The following PCDHGB6 variants were observed in gnomAD, a reference collection of about 807,000 sequenced individuals.
The protein encoded by PCDHGB6 is protocadherin gamma-B6.
PCDHGB6 carries 51 observed loss-of-function variants against 59.1 expected under a neutral mutation model. The ratio of observed to expected loss-of-function variants is 0.86; its 90% CI spans 0.69 to 1.09. The LOEUF (loss-of-function observed/expected upper bound fraction) is 1.09, where lower values mean the gene tolerates loss of function less well. Ranked by LOEUF, PCDHGB6 falls within the 50% of genes least tolerant of loss-of-function variation. PCDHGB6 has a pLI of 0.00. For missense variants in PCDHGB6, 1,148 were observed against 1,205.1 expected (o/e 0.95, Z 0.70); for synonymous variants, 466 against 495.1 (o/e 0.94, Z 0.78).
intron 1 of PCDHGB6, among the ~76,000 whole-genome samples, chr5:141,472,497 G>A (rs1196427013): frequency 1.3e-5 from 2 of 151,958 alleles, no homozygotes; most frequent in Non-Finnish European, 2.9e-5. Context: ...ACGAGATCGT[G>A]CCACTGCACT....
chr5:141,420,422 A>C, intron 1 of PCDHGB6: 1 of 1,196,438 alleles, frequency 8.4e-7, no homozygotes, highest in Non-Finnish European at 1.1e-6. Context: ...TATTAAAACA[A>C]AAGTTTAAAT....
chr5:141,418,875 A>G (rs2097697666), intron 1 of PCDHGB6: 1 of 1,613,926 alleles, frequency 6.2e-7, no homozygotes, highest in African/African-American at 1.3e-5. Flanking sequence ...GAAGTTGTAG[A>G]CGAAAACGAC....
At chr5:141,414,134 A>T in intron 1 of PCDHGB6, 1 of 1,595,028 alleles carries the variant, frequency 6.3e-7, no homozygotes, top group South Asian at 1.1e-5. Flanking sequence ...GGTTTCTATG[A>T]AATAGAAATA....
rs1348785166 is a variant in PCDHGB6, at chr5:141,431,381, C to T, written c.2418+20761C>T. On this transcript the variant is annotated intron_variant, in intron 1 of 3. Coordinates refer to ENST00000520790, the MANE Select transcript of PCDHGB6 (RefSeq NM_018926.3). The surrounding 1 kb of genome is among the most constrained non-coding windows in gnomAD (Gnocchi z 4.8). Reference sequence around the variant, plus strand: ...CCTGGACCGCGAAGAAAAGGCTGCTCACCACCTGGTCCTTACGGCCTCCGA... The same window carrying T: ...CCTGGACCGCGAAGAAAAGGCTGCTTACCACCTGGTCCTTACGGCCTCCGA... 1.2e-6 allele frequency: 2 copies of T among 1,613,940 alleles called. No homozygotes were observed. Among genetic ancestry groups the T allele is most frequent in the Non-Finnish European group, 1.7e-6 (2 of 1,180,042 alleles).
intron 3 of PCDHGB6, among the ~76,000 whole-genome samples, chr5:141,507,861 C>T (rs538942097): frequency 7.0e-4 from 106 of 152,306 alleles, no homozygotes; most frequent in African/African-American, 2.5e-3. Flanking sequence ...CTTTCACACC[C>T]GCTTCCTAGC....
At chr5:141,478,011 G>T (rs1216659966) in intron 1 of PCDHGB6, 1 of 1,614,088 alleles carries the variant, frequency 6.2e-7, no homozygotes, top group Non-Finnish European at 8.5e-7. Flanking sequence ...AGTACTGCCC[G>T]TCCAGTCCAA....
rs200576950 is a variant in PCDHGB6 at position 141,477,475 on chromosome 5, C to T, written c.2419-17332C>T. The T allele has an allele frequency of 1.2e-6, 2 of 1,614,124 alleles. No individual in the cohort carries two copies. Among genetic ancestry groups the T allele is most frequent in the African/African-American group, 2.7e-5 (2 of 75,010 alleles). ...TTCAAGTGTCCGACATCAATGACAACCCTCCACAATCTTCTCAATCTTCCT... is the reference window on the plus strand; with the variant it reads ...TTCAAGTGTCCGACATCAATGACAATCCTCCACAATCTTCTCAATCTTCCT... On this transcript the variant is annotated intron_variant, in intron 1 of 3. Transcript: ENST00000520790. The surrounding 1 kb of genome is among the most constrained non-coding windows in gnomAD (Gnocchi z 4.9).
rs141151122 is a variant in PCDHGB6, at chr5:141,491,445, C to T, written c.2419-3362C>T. ...GAGGGCAGTGCTGCAGGCGCCAGGA[C>T]TCACCCTCCCCGGACTTCTATAAGC... is the stretch of plus-strand genomic sequence containing the variant. On this transcript the variant is annotated intron_variant, in intron 1 of 3. Transcript: ENST00000520790. This position sits in a 1 kb window ranked among gnomAD's most constrained non-coding sequence, Gnocchi z 6.9. 1 of 1,614,112 alleles carries T rather than the reference C, an allele frequency of 6.2e-7. No individual in the cohort carries two copies. The highest frequency in any genetic ancestry group is 8.5e-7 in the Non-Finnish European group (1 of 1,180,032).
intron 3 of PCDHGB6, among the ~76,000 whole-genome samples, chr5:141,508,616 G>T (rs1007206932): frequency 6.6e-6 from 1 of 152,114 alleles, no homozygotes; most frequent in African/African-American, 2.4e-5. Flanking sequence ...ATAGGACGTG[G>T]GTGGGCCGAG....
intron 1 of PCDHGB6, chr5:141,423,559 G>T: frequency 6.2e-7 from 1 of 1,613,584 alleles, no homozygotes; most frequent in Non-Finnish European, 8.5e-7. Flanking sequence ...CAACTATGGG[G>T]ACACGCTCAT....
Position 141,490,911 on chromosome 5 carries a change from G to C in PCDHGB6, c.2419-3896G>C. On this transcript the variant is annotated intron_variant, in intron 1 of 3. Coordinates refer to ENST00000520790, the MANE Select transcript of PCDHGB6 (RefSeq NM_018926.3). The surrounding 1 kb of genome is among the most constrained non-coding windows in gnomAD (Gnocchi z 5.4). ...CTCTGCATGTGTTTGTCCTAGACGA[G>C]AATGATAATGCCCCAGCTGTGCTGC... is the stretch of plus-strand genomic sequence containing the variant. The C allele has an allele frequency of 6.2e-7, 1 of 1,613,722 alleles. No homozygotes were observed. Among genetic ancestry groups the C allele is most frequent in the East Asian group, 2.2e-5 (1 of 44,870 alleles).
chr5:141,429,389 A>ATTT (rs1561841246), intron 1 of PCDHGB6, among the ~76,000 whole-genome samples: 155 of 147,652 alleles, frequency 1.0e-3, no homozygotes, highest in African/African-American at 3.7e-3. Flanking sequence ...TTTTTTTTTA[A>ATTT]AAAAAATTGA....
chr5:141,431,126 G>A lies in PCDHGB6; in HGVS notation c.2418+20506G>A, dbSNP rs2097344901. The A allele has an allele frequency of 2.5e-6, 4 of 1,614,114 alleles. No individual in the cohort carries two copies. Among genetic ancestry groups the A allele is most frequent in the Non-Finnish European group, 3.4e-6 (4 of 1,180,038 alleles). On this transcript the variant is annotated intron_variant, in intron 1 of 3. Coordinates refer to ENST00000520790, the MANE Select transcript of PCDHGB6 (RefSeq NM_018926.3). The surrounding 1 kb of genome is among the most constrained non-coding windows in gnomAD (Gnocchi z 4.8). ...GAAAATATATGGAGTAGAAGTAGAA[G>A]TAAGGGACATTAACGACAATGCGCC... is the stretch of plus-strand genomic sequence containing the variant.
intron 1 of PCDHGB6, chr5:141,418,929 T>A: frequency 6.2e-7 from 1 of 1,614,034 alleles, no homozygotes; most frequent in Non-Finnish European, 8.5e-7. Flanking sequence ...GATCAGATTA[T>A]GGAGGATTCC....
intron 1 of PCDHGB6, among the ~76,000 whole-genome samples, chr5:141,472,113 A>G (rs1296591849): frequency 1.3e-5 from 2 of 152,260 alleles, no homozygotes; most frequent in East Asian, 3.8e-4. Flanking sequence ...ATACATAAAG[A>G]AAATAAAAGA....
chr5:141,477,951 G>T lies in PCDHGB6; in HGVS notation c.2419-16856G>T. 3 of 1,614,120 alleles carry T rather than the reference G, an allele frequency of 1.9e-6. No homozygotes were observed. The highest frequency in any genetic ancestry group is 2.5e-6 in the Non-Finnish European group (3 of 1,180,024). Reference sequence around the variant, plus strand: ...GCCTGGCTCTCCTACAGTCTCTTGGGATCCCCTAACCAGAGCCTTTTTGCC... The same window carrying T: ...GCCTGGCTCTCCTACAGTCTCTTGGTATCCCCTAACCAGAGCCTTTTTGCC... On this transcript the variant is annotated intron_variant, in intron 1 of 3. Transcript: ENST00000520790. The surrounding 1 kb of genome is among the most constrained non-coding windows in gnomAD (Gnocchi z 4.9).
intron 1 of PCDHGB6, chr5:141,428,388 C>G (rs1299321513): frequency 4.0e-6 from 2 of 506,160 alleles, no homozygotes; most frequent in Non-Finnish European, 7.3e-6. Context: ...GCTCTTCCAG[C>G]CCCTCTGCCT....
chr5:141,507,862 G>T (rs17286954), intron 3 of PCDHGB6, among the ~76,000 whole-genome samples: 20,426 of 152,154 alleles, frequency 0.13, 1,374 homozygotes, highest in Admixed American at 0.16. Context: ...TTTCACACCC[G>T]CTTCCTAGCC....
At chr5:141,483,660 G>T (rs943362284) in intron 1 of PCDHGB6, among the ~76,000 whole-genome samples, 4 of 152,094 alleles carry the variant, frequency 2.6e-5, no homozygotes, top group Admixed American at 2.0e-4. Flanking sequence ...GTGTGTGTGT[G>T]TGTGTGTGTA....
Sources: allele counts gnomAD v4.1 joint callset (sites outside exome capture counted in the v4.1 genomes callset), GRCh38; gene constraint gnomAD v4.1.1; non-coding constraint Gnocchi (gnomAD v3.1); transcripts MANE v1.5; gene names NCBI Gene and HGNC (gene_info 2026-07-23, HGNC 2026-07-21).